The following UNC45A variants were observed in gnomAD, a reference collection of about 807,000 sequenced individuals.
The protein encoded by UNC45A is protein unc-45 homolog A.
UNC45A carries 78 observed loss-of-function variants against 103.2 expected under a neutral mutation model. The ratio of observed to expected loss-of-function variants is 0.76; its 90% CI spans 0.63 to 0.91. UNC45A has a LOEUF of 0.91. Ranked by LOEUF, UNC45A falls within the 40% of genes least tolerant of loss-of-function variation. The probability of loss-of-function intolerance (pLI) is 0.00; values close to 1 mark genes in which losing one functional copy is unlikely to be tolerated. For synonymous variants in UNC45A, 495 were observed against 504.6 expected, an observed-to-expected ratio of 0.98 and a Z score of 0.25; for missense variants, 1,193 against 1,224.8, an observed-to-expected ratio of 0.97 and a Z score of 0.39.
Position 90,950,650 on chromosome 15 carries a change from G to A in UNC45A, c.2303+35G>A, listed in dbSNP as rs571107013. Reference sequence around the variant, plus strand: ...CTTGGGATTGCGGGGCCTGGACCAGGCATCGGGATTCGGAATATCCCCCAC... The same window carrying A: ...CTTGGGATTGCGGGGCCTGGACCAGACATCGGGATTCGGAATATCCCCCAC... On this transcript the variant is annotated intron_variant, in intron 17 of 19. Coordinates refer to ENST00000418476, the MANE Select transcript of UNC45A (RefSeq NM_018671.5). 108 of 1,602,590 alleles carry A rather than the reference G, an allele frequency of 6.7e-5. 1 individual carries two copies. The South Asian group carries it at 1.1e-3, about 16-fold the overall frequency.
At chr15:90,931,970 T>G, upstream of UNC45A, 2 of 1,613,846 alleles carry the variant, frequency 1.2e-6, no homozygotes, top group African/African-American at 1.3e-5. Context: ...CACTCAGCCC[T>G]GAGATGTCAG....
chr15:90,932,576 C>T (rs1165471499), upstream of UNC45A: 2 of 1,202,696 alleles, frequency 1.7e-6, no homozygotes, highest in Non-Finnish European at 2.1e-6. Context: ...GCCGCAGGGG[C>T]AGGGACGGAA....
At chr15:90,931,056 A>G (rs886785319), upstream of UNC45A, 3 of 547,976 alleles carry the variant, frequency 5.5e-6, no homozygotes, top group Non-Finnish European at 9.8e-6. Context: ...AGAGGCGGTG[A>G]GTGCATCAGA....
In UNC45A at chr15:90,948,729, C is replaced by T; in HGVS notation, c.1813C>T (p.Pro605Ser). ...NCTNSYDYEEPDPKMVELAKY... is the reference protein window; with the variant it reads ...NCTNSYDYEESDPKMVELAKY... ...CACCAACAGCTATGACTACGAGGAG[C>T]CCGACCCCAAGATGGTGGAGCTGGC... The change falls in exon 13 of 20, where the codon CCC (proline) becomes TCC (serine). Residue 605 changes from proline to serine, a missense_variant. Pro to Ser is a moderately conservative substitution (Grantham distance 74). Coordinates refer to ENST00000418476, the MANE Select transcript of UNC45A (RefSeq NM_018671.5). The T allele has an allele frequency of 6.2e-7, 1 of 1,613,942 alleles. No homozygotes were observed. Among genetic ancestry groups the T allele is most frequent in the Non-Finnish European group, 8.5e-7 (1 of 1,179,988 alleles).
chr15:90,949,870 G>A (rs371128171), intron 15 of UNC45A, 150 bp downstream of exon 15: 32 of 874,752 alleles, frequency 3.7e-5, no homozygotes, highest in African/African-American at 1.3e-4. Flanking sequence ...AGAGTGACGC[G>A]GAAGCAGGCA....
chr15:90,931,873 T>C (rs1305884555), upstream of UNC45A: 1 of 1,613,980 alleles, frequency 6.2e-7, no homozygotes, highest in African/African-American at 1.3e-5. Context: ...GCCGCACTTG[T>C]GCCCCAAAGT....
intron 17 of UNC45A, 40 bp from the exon 18 acceptor site, chr15:90,952,889 C>T: frequency 6.3e-7 from 1 of 1,578,568 alleles, no homozygotes; most frequent in South Asian, 1.1e-5. Context: ...GGGAAAACAT[C>T]CAAACCGTAT....
At chr15:90,932,837 A>C, upstream of UNC45A, 2 of 321,126 alleles carry the variant, frequency 6.2e-6, no homozygotes, top group Non-Finnish European at 1.1e-5. Context: ...GACAAGAAAT[A>C]AGGCAGTGGC....
chr15:90,931,286 GC>G (rs1435894693), upstream of UNC45A: 20 of 1,550,586 alleles, frequency 1.3e-5, no homozygotes, highest in African/African-American at 2.7e-5. Flanking sequence ...CAGATTGTCA[GC>G]CCCCGCTGCT....
rs767211125 is a variant in UNC45A at position 90,945,005 on chromosome 15, G to A, written c.1141G>A (p.Asp381Asn). 1 of 1,613,134 alleles carries A rather than the reference G, an allele frequency of 6.2e-7. No homozygotes were observed. The highest frequency in any genetic ancestry group is 2.2e-5 in the East Asian group (1 of 44,890). Residue 381 changes from aspartate (D) to asparagine (N), a missense_variant, in exon 9 of 20, where the codon GAC becomes AAC. Asp to Asn is a conservative substitution (Grantham distance 23, BLOSUM62 1). Coordinates refer to ENST00000418476, the MANE Select transcript of UNC45A (RefSeq NM_018671.5). The stretch of plus-strand genomic sequence containing the variant: ...TATTCTCCTCAGCAAGCTCTTTGAT[G>A]ACCTCAAGTGTGATGCGGAGAGGGA... ...ASILLSKLFD[D>N]LKCDAERENF...
intron 15 of UNC45A, 122 bp downstream of exon 15, chr15:90,949,842 G>A: frequency 2.8e-6 from 3 of 1,076,716 alleles, no homozygotes; most frequent in Non-Finnish European, 2.8e-6. Context: ...ATGGCCAGAG[G>A]AACACCGTCC....
Position 90,949,755 on chromosome 15 carries a change from A to C in UNC45A, c.2073+35A>C, listed in dbSNP as rs1166581927. 1.9e-6 allele frequency: 3 copies of C among 1,607,778 alleles called. No individual in the cohort carries two copies. The African/African-American group carries it at 4.0e-5, about 22-fold the overall frequency. On this transcript the variant is annotated intron_variant, in intron 15 of 19. Transcript: ENST00000418476. ...TTTACACACCCCTTCCTGATGGCTGAGCCATCAGCCTATAAAACATGACTC... is the reference window on the plus strand; with the variant it reads ...TTTACACACCCCTTCCTGATGGCTGCGCCATCAGCCTATAAAACATGACTC...
rs1286769938 is a variant in UNC45A, at chr15:90,935,687, C to T, written c.195C>T (p.Ala65=). ...AGGCCGTTCTGCACCGGAACCGGGC[C>T]GCCTGCCACCTCAAGCTGGTGAGGG... ...QDQAVLHRNR[A]ACHLKLEDYD... The change falls in exon 2 of 20, where the codon GCC becomes GCT. Residue 65 remains alanine (A), a synonymous_variant. Coordinates refer to ENST00000418476, the MANE Select transcript of UNC45A (RefSeq NM_018671.5). The T allele has an allele frequency of 1.1e-5, 17 of 1,562,042 alleles. No homozygotes were observed. The highest frequency in any genetic ancestry group is 1.4e-5 in the African/African-American group (1 of 73,080).
intron 8 of UNC45A, 142 bp downstream of exon 8, chr15:90,943,224 T>G: frequency 9.4e-7 from 1 of 1,066,222 alleles, no homozygotes; most frequent in Non-Finnish European, 1.3e-6. Flanking sequence ...GCCGGGAGTT[T>G]GAGATCAGCC....
chr15:90,948,666 T>C lies in UNC45A; in HGVS notation c.1750T>C (p.Ser584Pro). 6.2e-7 allele frequency: 1 copy of C among 1,613,758 alleles called. No homozygotes were observed. ...TGTGTCCTGGCAGTTGGAGGAGAGGTCAGTGCTCTTTGCGGTGGCCTCAGC... is the reference window on the plus strand; with the variant it reads ...TGTGTCCTGGCAGTTGGAGGAGAGGCCAGTGCTCTTTGCGGTGGCCTCAGC... ...LFQLSRLEER[S>P]VLFAVASALV... The change falls in exon 13 of 20, where the codon TCA becomes CCA. Residue 584 changes from serine (S) to proline (P), a missense_variant. Physicochemically the swap from Ser to Pro is moderately conservative, Grantham distance 74. Transcript: ENST00000418476.
chr15:90,931,511 T>G (rs745887826), upstream of UNC45A: 1 of 1,614,174 alleles, frequency 6.2e-7, no homozygotes, highest in Non-Finnish European at 8.5e-7. Flanking sequence ...CCTGATGGAA[T>G]GAGCTGTCCT....
At chr15:90,945,834 T>C (rs999231221) in intron 9 of UNC45A, among the ~76,000 whole-genome samples, 3 of 149,960 alleles carry the variant, frequency 2.0e-5, no homozygotes, top group African/African-American at 7.3e-5. Flanking sequence ...GGTTTCACCA[T>C]GTTGGCCAGG....
At chr15:90,948,577 G>T in intron 12 of UNC45A, 77 bp from the exon 13 acceptor site, 2 of 1,565,318 alleles carry the variant, frequency 1.3e-6, no homozygotes, top group South Asian at 2.4e-5. Flanking sequence ...GGAATTGGGG[G>T]CCTGGGCCTG....
intron 8 of UNC45A, among the ~76,000 whole-genome samples, chr15:90,943,751 C>G (rs1168267923): frequency 1.3e-5 from 2 of 151,460 alleles, no homozygotes; most frequent in South Asian, 4.2e-4. Flanking sequence ...TGCAGTGGCG[C>G]GATCTCAGCT....
Sources: gnomAD v4.1 joint callset for allele counts (sites outside exome capture counted in the v4.1 genomes callset) on GRCh38, gnomAD v4.1.1 for gene constraint, MANE v1.5 for transcripts, NCBI Gene and HGNC (gene_info 2026-07-23, HGNC 2026-07-21) for gene names.